The following IL1RAPL2 variants were observed in gnomAD, a reference collection of about 807,000 sequenced individuals.
The protein encoded by IL1RAPL2 is interleukin 1 receptor accessory protein like 2.
IL1RAPL2 carries 3 observed loss-of-function variants against 44.1 expected under a neutral mutation model. The observed-to-expected ratio is 0.07, with a 90% confidence interval of 0.03 to 0.18. The LOEUF (loss-of-function observed/expected upper bound fraction) is 0.18, where lower values mean the gene tolerates loss of function less well. Ranked by LOEUF, IL1RAPL2 falls within the 10% of genes least tolerant of loss-of-function variation. IL1RAPL2 has a pLI of 1.00. For synonymous variants in IL1RAPL2, 181 were observed against 178.8 expected (o/e 1.01, Z -0.10); for missense variants, 391 against 496.4 (o/e 0.79, Z 2.02).
intron 1 of IL1RAPL2, among the ~76,000 whole-genome samples, chrX:104,622,696 T>C (rs1028623296): frequency 1.8e-5 from 2 of 110,905 alleles, no homozygotes; most frequent in African/African-American, 6.6e-5. Context: ...GTGAGTCTCA[T>C]TGGCTTACAC....
In IL1RAPL2 at chrX:105,549,238, T is replaced by A. The variant is rs150894356; in HGVS notation, c.772+64851T>A. ...TAGCAATGACTGGAATATTTTTATCTGTCATATGGCAGTTATTCTTTCAGC... is the reference window on the plus strand; with the variant it reads ...TAGCAATGACTGGAATATTTTTATCAGTCATATGGCAGTTATTCTTTCAGC... On this transcript the variant is annotated intron_variant, in intron 6 of 10. Transcript: ENST00000372582. 5.0e-3 allele frequency among the ~76,000 whole-genome samples: 567 copies of A among 112,597 alleles called. 5 individuals carry two copies. The highest frequency in any genetic ancestry group is 0.018 in the African/African-American group (545 of 31,054).
chrX:105,315,485 G>A (rs1280686102), intron 5 of IL1RAPL2, among the ~76,000 whole-genome samples: 1 of 97,151 alleles, frequency 1.0e-5, no homozygotes, highest in Non-Finnish European at 2.1e-5. Context: ...ACTATAACCC[G>A]TATCTAATTC....
chrX:105,702,553 C>A (rs1476343698), intron 6 of IL1RAPL2, among the ~76,000 whole-genome samples: 1 of 111,815 alleles, frequency 8.9e-6, no homozygotes, highest in Admixed American at 9.5e-5. Flanking sequence ...TTAAAACTTA[C>A]AAAGCACTTT....
At chrX:104,635,714 C>T (rs781553435) in intron 1 of IL1RAPL2, among the ~76,000 whole-genome samples, 1 of 111,792 alleles carries the variant, frequency 8.9e-6, no homozygotes, top group East Asian at 2.8e-4. Context: ...AAGGACTTCT[C>T]TGCATTGGTT....
intron 5 of IL1RAPL2, among the ~76,000 whole-genome samples, chrX:105,386,794 G>A (rs758841195): frequency 9.0e-5 from 10 of 111,656 alleles, no homozygotes; most frequent in African/African-American, 3.2e-4. Flanking sequence ...ATTTAATCCT[G>A]CCTATGTGTT....
chrX:104,682,756 A>C (rs1930909918), intron 2 of IL1RAPL2, among the ~76,000 whole-genome samples: 1 of 112,427 alleles, frequency 8.9e-6, no homozygotes, highest in African/African-American at 3.2e-5. Flanking sequence ...ATTATCATAA[A>C]TGTTAATAAT....
chrX:105,550,582 C>T (rs752219437), intron 6 of IL1RAPL2, among the ~76,000 whole-genome samples: 1 of 112,033 alleles, frequency 8.9e-6, no homozygotes, highest in Admixed American at 9.5e-5. Context: ...GTTGCAAACT[C>T]ACAGAGTCTT....
chrX:104,689,880 GA>G (rs1382641212), intron 2 of IL1RAPL2, among the ~76,000 whole-genome samples: 4 of 111,848 alleles, frequency 3.6e-5, no homozygotes, highest in Non-Finnish European at 7.5e-5. Context: ...TAGGTGAAAA[GA>G]ACTACATTAA....
intron 5 of IL1RAPL2, among the ~76,000 whole-genome samples, chrX:105,474,592 G>T (rs1351277270): frequency 9.0e-6 from 1 of 110,945 alleles, no homozygotes; most frequent in Admixed American, 9.6e-5. Flanking sequence ...CACACTAGTT[G>T]GTAGAGTACC....
chrX:105,080,972 TG>T (rs756221582), intron 2 of IL1RAPL2, among the ~76,000 whole-genome samples: 16 of 111,427 alleles, frequency 1.4e-4, no homozygotes, highest in Non-Finnish European at 2.8e-4. Context: ...TTATTCTCTT[TG>T]TAGCAATTGT....
chrX:105,114,295 C>A (rs1160350657), intron 2 of IL1RAPL2, among the ~76,000 whole-genome samples: 1 of 111,958 alleles, frequency 8.9e-6, no homozygotes, highest in Non-Finnish European at 1.9e-5. Context: ...TCTTGGACTT[C>A]CCAACCTGCC....
chrX:105,665,254 A>C (rs1265434603), intron 6 of IL1RAPL2, among the ~76,000 whole-genome samples: 1 of 111,350 alleles, frequency 9.0e-6, no homozygotes, highest in Non-Finnish European at 1.9e-5. Context: ...GTGGATTTTC[A>C]TACTTTCACC....
chrX:104,741,963 A>C (rs1932107507), intron 2 of IL1RAPL2, among the ~76,000 whole-genome samples: 1 of 111,628 alleles, frequency 9.0e-6, no homozygotes, highest in African/African-American at 3.2e-5. Context: ...AGTAAGAGAT[A>C]ATTTTCTCAT....
intron 2 of IL1RAPL2, among the ~76,000 whole-genome samples, chrX:105,177,324 C>G: frequency 9.1e-6 from 1 of 110,352 alleles, no homozygotes; most frequent in Middle Eastern, 4.6e-3. Context: ...CCTATCACCC[C>G]CAGATGGGAC....
intron 4 of IL1RAPL2, among the ~76,000 whole-genome samples, chrX:105,263,043 G>A (rs1349552907): frequency 1.8e-5 from 2 of 110,061 alleles, no homozygotes; most frequent in East Asian, 2.9e-4. Context: ...GCACCACCAC[G>A]CCCAGGTAAT....
chrX:105,097,221 G>A (rs1196704263), intron 2 of IL1RAPL2, among the ~76,000 whole-genome samples: 2 of 108,003 alleles, frequency 1.9e-5, no homozygotes, highest in Admixed American at 1.0e-4. Flanking sequence ...CCAGCTACCG[G>A]GAGGCTGAGG....
In IL1RAPL2 at chrX:105,411,279, A is replaced by G. The variant is rs1201116805; in HGVS notation, c.698-73034A>G. Among the ~76,000 whole-genome samples, 3 of 111,696 alleles carry G rather than the reference A, an allele frequency of 2.7e-5. No individual in the cohort carries two copies. In the Admixed American group the frequency reaches 2.9e-4, roughly 11 times the overall value. On this transcript the variant is annotated intron_variant, in intron 5 of 10. Coordinates refer to ENST00000372582, the MANE Select transcript of IL1RAPL2 (RefSeq NM_017416.2). ...CAAATGATCTATAAAACAACCAGAA[A>G]ACAATAAACTGGCAGAAGTAAGTTC...
In IL1RAPL2 at chrX:105,247,591, G is replaced by GTA. The variant is rs746336838; in HGVS notation, c.543+13599_543+13600dup. Among the ~76,000 whole-genome samples, 224 of 100,627 alleles carry GTA rather than the reference G, an allele frequency of 2.2e-3. 1 individual carries two copies. Among genetic ancestry groups the GTA allele is most frequent in the Non-Finnish European group, 3.3e-3 (167 of 50,018 alleles). 87.4% of individuals were successfully genotyped at this position (100,627 alleles called of 115,157 possible). A position where few individuals can be genotyped will look rare whatever the true frequency, so the allele number is the denominator to read the frequency against. On this transcript the variant is annotated intron_variant, in intron 4 of 10. Transcript: ENST00000372582. ...CACTAAATAGAATAGAAGTGTGTGT[G>GTA]TATATATATATATGTGTGTGTGTGT... is the stretch of plus-strand genomic sequence containing the variant.
At chrX:105,633,044 C>T (rs182306973) in intron 6 of IL1RAPL2, among the ~76,000 whole-genome samples, 12 of 111,924 alleles carry the variant, frequency 1.1e-4, no homozygotes, top group Middle Eastern at 4.6e-3. Context: ...GGGAAACTTC[C>T]TCTCCCGCCT....
Sources: allele counts gnomAD v4.1 joint callset (sites outside exome capture counted in the v4.1 genomes callset), GRCh38; gene constraint gnomAD v4.1.1; transcripts MANE v1.5; gene names NCBI Gene and HGNC (gene_info 2026-07-23, HGNC 2026-07-21).